CDC14B: variants seen among roughly 807,000 people sequenced by gnomAD.
CDC14B encodes dual specificity protein phosphatase CDC14B.
A neutral mutation model predicts 64.2 loss-of-function variants in CDC14B; 22 were observed. The observed-to-expected ratio is 0.34, with a 90% CI of 0.24 to 0.49. The LOEUF (loss-of-function observed/expected upper bound fraction) is 0.49, where lower values mean the gene tolerates loss of function less well. Among genes scored for constraint, CDC14B ranks in the 20% least tolerant of loss-of-function variants. The pLI, the probability that CDC14B is intolerant of heterozygous loss-of-function variation, is 0.99. For synonymous variants in CDC14B, 191 were observed against 215.8 expected (o/e 0.89, Z 1.01); for missense variants, 498 against 629.9 (o/e 0.79, Z 2.24).
chr9:96,511,969 A>G (rs1307178466), intron 12 of CDC14B, among the ~76,000 whole-genome samples: 1 of 152,150 alleles, frequency 6.6e-6, no homozygotes, highest in Admixed American at 6.5e-5. Context: ...CCCAAAAGTA[A>G]AAGTAGCTTC....
At position 96,551,111 on chromosome 9, in the gene CDC14B, CTTTT is replaced by C. The variant is rs202193145; in HGVS notation, c.497+681_497+684del. 5.2e-3 allele frequency among the ~76,000 whole-genome samples: 483 copies of C among 93,282 alleles called. 17 individuals are homozygous for C. The highest frequency in any genetic ancestry group is 0.014 in the African/African-American group (287 of 20,380). 61.2% of individuals were successfully genotyped at this position (93,282 alleles called of 152,430 possible). ...TACAAAGCCTAGGTTTTGGGGTTTG[CTTTT>C]TTTTTTTTTTTTTTTGAGACAAGTT... On this transcript the variant is annotated intron_variant, in intron 5 of 13. Transcript: ENST00000375241.
intron 4 of CDC14B, chr9:96,562,437 T>A: frequency 2.4e-6 from 1 of 409,160 alleles, no homozygotes; most frequent in Non-Finnish European, 4.4e-6. Flanking sequence ...GGGCACTTTT[T>A]AAAAAAATAT....
chr9:96,615,493 G>A (rs796936581), intron 1 of CDC14B, among the ~76,000 whole-genome samples: 3 of 152,274 alleles, frequency 2.0e-5, no homozygotes, highest in African/African-American at 7.2e-5. Flanking sequence ...AAAATGTCAA[G>A]GGACTAAGTT....
At chr9:96,566,161 T>C (rs886852037) in intron 1 of CDC14B, among the ~76,000 whole-genome samples, 3 of 152,198 alleles carry the variant, frequency 2.0e-5, no homozygotes, top group Non-Finnish European at 4.4e-5. Flanking sequence ...TAATGAGTAG[T>C]AAGGCTCAGG....
chr9:96,552,507 C>T (rs1279931438), intron 4 of CDC14B, among the ~76,000 whole-genome samples: 2 of 151,552 alleles, frequency 1.3e-5, no homozygotes, highest in African/African-American at 4.8e-5. Context: ...TTTTTTTTCC[C>T]TTGACATTTT....
rs985892744 is a variant in CDC14B, at chr9:96,600,492, T to C, written c.160+18727A>G. Among the ~76,000 whole-genome samples the C allele has an allele frequency of 2.0e-5, 3 of 151,850 alleles. No individual in the cohort carries two copies. In the East Asian group the frequency reaches 5.8e-4, roughly 29 times the overall value. On this transcript the variant is annotated intron_variant, in intron 1 of 13. Transcript: ENST00000375241. ...GATTAATGGGATAAGGAGAGAGTAT[T>C]CTAAATAGAGCTTGTGGTTTTTTTT... is the stretch of plus-strand genomic sequence containing the variant.
downstream of CDC14B, chr9:96,496,438 T>G (rs1198712284): frequency 2.2e-6 from 1 of 451,536 alleles, no homozygotes; most frequent in African/African-American, 2.0e-5. Context: ...GGCTTGAGTT[T>G]GTGTGGACGG....
At chr9:96,544,475 T>A (rs1341433560) in intron 5 of CDC14B, among the ~76,000 whole-genome samples, 1 of 152,092 alleles carries the variant, frequency 6.6e-6, no homozygotes, top group Non-Finnish European at 1.5e-5. Flanking sequence ...ATGCGAACCT[T>A]CATGAGGACA....
At chr9:96,618,884 C>A (rs1847807800) in intron 1 of CDC14B, 1 of 329,206 alleles carries the variant, frequency 3.0e-6, no homozygotes. Context: ...CACAGGAACT[C>A]AGAAGCAGCC....
At position 96,502,603 on chromosome 9, in the gene CDC14B, T is replaced by C. The variant is rs1833649578; in HGVS notation, c.*1150A>G. 1 of 328,788 alleles carries C rather than the reference T, an allele frequency of 3.0e-6. No individual in the cohort carries two copies. The highest frequency in any genetic ancestry group is 2.1e-5 in the African/African-American group (1 of 47,006). The allele number at this position is 328,788 out of a possible 1,614,324, so 20.4% of individuals were successfully genotyped here. A position where few individuals can be genotyped will look rare whatever the true frequency, so the allele number is the denominator to read the frequency against. On this transcript the variant is annotated 3_prime_UTR_variant, in exon 14 of 14. Coordinates refer to ENST00000375241, the MANE Select transcript of CDC14B (RefSeq NM_033331.4). ...TTTTATTTCGGGCCCCATTTTTTTT[T>C]TTTTTTTTAGCAGCACATCAATTCT...
At chr9:96,595,175 C>G (rs1846001624) in intron 1 of CDC14B, among the ~76,000 whole-genome samples, 1 of 152,100 alleles carries the variant, frequency 6.6e-6, no homozygotes, top group South Asian at 2.1e-4. Flanking sequence ...AATTAGCCCT[C>G]AACTAAGCAT....
chr9:96,613,135 A>G (rs149097091), intron 1 of CDC14B, among the ~76,000 whole-genome samples: 1 of 152,316 alleles, frequency 6.6e-6, no homozygotes, highest in African/African-American at 2.4e-5. Context: ...TTGTGGCCCA[A>G]TTTTATCTCT....
chr9:96,615,600 T>C (rs1847574649), intron 1 of CDC14B, among the ~76,000 whole-genome samples: 2 of 152,214 alleles, frequency 1.3e-5, no homozygotes, highest in South Asian at 2.1e-4. Context: ...GTCAATCCAA[T>C]ATTAAGTGCT....
At chr9:96,494,628 C>A (rs867443893) in intron 13 of CDC14B, among the ~76,000 whole-genome samples, 2 of 152,212 alleles carry the variant, frequency 1.3e-5, no homozygotes, top group African/African-American at 2.4e-5. Flanking sequence ...TCACACCCCC[C>A]ACAGCTACGC....
chr9:96,612,203 T>C (rs1050432197), intron 1 of CDC14B, among the ~76,000 whole-genome samples: 3 of 152,238 alleles, frequency 2.0e-5, no homozygotes, highest in African/African-American at 7.2e-5. Flanking sequence ...TCTGGAGCAT[T>C]TCTGCCCTGA....
intron 13 of CDC14B, 108 bp from the exon 14 acceptor site, chr9:96,503,897 G>C (rs760666881): frequency 1.2e-6 from 1 of 806,680 alleles, no homozygotes; most frequent in Non-Finnish European, 2.1e-6. Context: ...ATGCTAAAAA[G>C]TATACGCTTG....
chr9:96,530,301 T>C (rs1016175438), intron 9 of CDC14B, among the ~76,000 whole-genome samples: 1 of 151,858 alleles, frequency 6.6e-6, no homozygotes, highest in Admixed American at 6.6e-5. Flanking sequence ...TCTCTGTTTT[T>C]TTTTTTTTGG....
chr9:96,555,065 T>A (rs977813321), intron 4 of CDC14B, among the ~76,000 whole-genome samples: 1 of 152,164 alleles, frequency 6.6e-6, no homozygotes, highest in Non-Finnish European at 1.5e-5. Context: ...AAACAACAAA[T>A]GATGACCAAG....
At chr9:96,560,584 C>CT (rs1843019535) in intron 4 of CDC14B, among the ~76,000 whole-genome samples, 3 of 143,908 alleles carry the variant, frequency 2.1e-5, no homozygotes, top group Admixed American at 6.9e-5. Flanking sequence ...TTCTCTTTCT[C>CT]TTTTTTTTTT....
Sources: gnomAD v4.1 joint callset for allele counts (sites outside exome capture counted in the v4.1 genomes callset) on GRCh38, gnomAD v4.1.1 for gene constraint, MANE v1.5 for transcripts, NCBI Gene and HGNC (gene_info 2026-07-23, HGNC 2026-07-21) for gene names.